The following ARRDC5 variants were observed in gnomAD, a reference collection of about 807,000 sequenced individuals.
The protein encoded by ARRDC5 is arrestin domain containing 5.
In ARRDC5, 12 loss-of-function variants were observed where a neutral mutation model predicts 13.3. That is an observed-to-expected ratio of 0.90 (90% CI 0.58 to 1.46). The LOEUF (loss-of-function observed/expected upper bound fraction) is 1.46, where lower values mean the gene tolerates loss of function less well. Ranked by LOEUF, ARRDC5 falls within the 40% of genes most tolerant of loss-of-function variation. The pLI is 0.00. For synonymous variants in ARRDC5, 181 were observed against 173.4 expected, an observed-to-expected ratio of 1.04 and a Z score of -0.34; for missense variants, 406 against 418.7, an observed-to-expected ratio of 0.97 and a Z score of 0.26.
At chr19:4,896,393 C>CACAT (rs1277082889) in intron 2 of ARRDC5, among the ~76,000 whole-genome samples, 2 of 132,048 alleles carry the variant, frequency 1.5e-5, no homozygotes, top group African/African-American at 5.5e-5. Context: ...CACACACACA[C>CACAT]ACACACACAC....
intron 1 of ARRDC5, among the ~76,000 whole-genome samples, chr19:4,897,446 A>G (rs2031772710): frequency 6.6e-6 from 1 of 152,134 alleles, no homozygotes; most frequent in Non-Finnish European, 1.5e-5. Flanking sequence ...AAACCACTGA[A>G]GGGCTCTTGC....
chr19:4,909,631 C>T, the ARRDC5 span: 2 of 593,548 alleles, frequency 3.4e-6, no homozygotes, highest in Non-Finnish European at 5.9e-6. Context: ...CGCAGGCAGA[C>T]AAGCTGTTCG....
intron 2 of ARRDC5, among the ~76,000 whole-genome samples, chr19:4,894,061 AAGAG>A (rs1021625191): frequency 2.1e-5 from 3 of 145,560 alleles, no homozygotes; most frequent in Non-Finnish European, 4.5e-5. Context: ...AAAAAAAAAA[AAGAG>A]GAGAAGAAGA....
At chr19:4,912,794 ACT>A in the ARRDC5 span, among the ~76,000 whole-genome samples, 1 of 151,756 alleles carries the variant, frequency 6.6e-6, no homozygotes, top group Admixed American at 6.6e-5. Context: ...ACAGGATCTC[ACT>A]CTGCCCAGGC....
At chr19:4,909,528 G>T in the ARRDC5 span, 1 of 659,016 alleles carries the variant, frequency 1.5e-6, no homozygotes, top group Non-Finnish European at 2.7e-6. Flanking sequence ...GGCGGGCAGC[G>T]TTTGCCGAGC....
intron 1 of ARRDC5, among the ~76,000 whole-genome samples, chr19:4,900,143 C>CTTT (rs35303447): frequency 3.1e-4 from 26 of 84,222 alleles, no homozygotes; most frequent in Admixed American, 4.3e-4. Context: ...CTGTTTCTTT[C>CTTT]TTTTTTTTTT....
At chr19:4,911,914 C>T in the ARRDC5 span, among the ~76,000 whole-genome samples, 6 of 152,132 alleles carry the variant, frequency 3.9e-5, no homozygotes, top group Non-Finnish European at 5.9e-5. Flanking sequence ...AGTTGAGCTG[C>T]GTGTACCCCA....
Position 4,902,721 on chromosome 19 carries a change from C to A in ARRDC5, c.105G>T (p.Leu35=). Reference sequence around the variant, plus strand: ...GCTCCACCTTCACTATGGGGTCCACCAGGGTGCTGTTCAGGGTTAAGATCA... The same window carrying A: ...GCTCCACCTTCACTATGGGGTCCACAAGGGTGCTGTTCAGGGTTAAGATCA... ...GQVILTLNST[L]VDPIVKVELV... The change falls in exon 1 of 3, where the codon CTG becomes CTT. Residue 35 remains leucine (L), a synonymous_variant. Transcript: ENST00000650722. 6.2e-7 allele frequency: 1 copy of A among 1,614,060 alleles called. No homozygotes were observed. Among genetic ancestry groups the A allele is most frequent in the Non-Finnish European group, 8.5e-7 (1 of 1,179,908 alleles).
At chr19:4,895,422 C>CA (rs1039157516) in intron 2 of ARRDC5, among the ~76,000 whole-genome samples, 6,285 of 70,436 alleles carry the variant, frequency 0.089, 486 homozygotes, top group Non-Finnish European at 0.13. Context: ...GACTCCGTCT[C>CA]AAAAAAAAAA....
At position 4,891,549 on chromosome 19, in the gene ARRDC5, C is replaced by A. The variant is rs745734884; in HGVS notation, c.484G>T (p.Glu162Ter). The A allele has an allele frequency of 1.4e-5, 23 of 1,613,128 alleles. No individual in the cohort carries two copies. Among genetic ancestry groups the A allele is most frequent in the Middle Eastern group, 1.6e-4 (1 of 6,084 alleles). ...FQNPLFVEAE[E>*]KVSYNCCRQG... Reference sequence around the variant, plus strand: ...CGGCAGCAGTTGTAGGAGACTTTCTCCTCAGCCTCCACGAACAAGGGGTTC... The same window carrying A: ...CGGCAGCAGTTGTAGGAGACTTTCTACTCAGCCTCCACGAACAAGGGGTTC... The change falls in exon 3 of 3, where the codon GAG (glutamate) becomes TAG (stop). Residue 162 changes from glutamate to a stop codon, truncating the protein, a stop_gained. Transcript: ENST00000650722. LOFTEE classifies it low-confidence loss of function (END_TRUNC).
intron 1 of ARRDC5, among the ~76,000 whole-genome samples, chr19:4,901,097 C>G (rs1466740762): frequency 1.3e-5 from 2 of 151,934 alleles, no homozygotes; most frequent in African/African-American, 4.8e-5. Flanking sequence ...CGAGATTGCG[C>G]CATTGCACTC....
intron 2 of ARRDC5, among the ~76,000 whole-genome samples, chr19:4,894,510 C>CAAAAAA (rs575777769): frequency 7.3e-5 from 2 of 27,230 alleles, no homozygotes; most frequent in African/African-American, 3.1e-4. Flanking sequence ...GACTCCGTCT[C>CAAAAAA]AAAAAAAAAA....
chr19:4,908,643 C>T, the ARRDC5 span, among the ~76,000 whole-genome samples: 1 of 152,168 alleles, frequency 6.6e-6, no homozygotes, highest in Non-Finnish European at 1.5e-5. Context: ...CCGCAGTGGC[C>T]CCAGTGAGAG....
At chr19:4,899,276 C>T (rs2146254936) in intron 1 of ARRDC5, among the ~76,000 whole-genome samples, 1 of 151,272 alleles carries the variant, frequency 6.6e-6, no homozygotes, top group Non-Finnish European at 1.5e-5. Flanking sequence ...CGCGCCACTG[C>T]ACTCCAGCCT....
At chr19:4,898,653 G>A (rs910597772) in intron 1 of ARRDC5, among the ~76,000 whole-genome samples, 40 of 139,050 alleles carry the variant, frequency 2.9e-4, no homozygotes, top group African/African-American at 5.4e-4. Flanking sequence ...TAAGCCATCA[G>A]GCGGGCTTGG....
At chr19:4,910,761 TG>T in the ARRDC5 span, 19 of 1,312,654 alleles carry the variant, frequency 1.4e-5, no homozygotes, top group Non-Finnish European at 1.8e-5. Flanking sequence ...AAGGGCATCC[TG>T]GGAGTTTCCT....
At chr19:4,896,351 TTTTTTTTTTTACAC>T (rs1443275839) in intron 2 of ARRDC5, among the ~76,000 whole-genome samples, 3 of 40,008 alleles carry the variant, frequency 7.5e-5, no homozygotes, top group South Asian at 6.8e-4. Context: ...TATATATATT[TTTTTTTTTTTACAC>T]ACACACACAC....
the ARRDC5 span, chr19:4,909,870 C>T: frequency 1.6e-5 from 6 of 378,652 alleles, no homozygotes; most frequent in East Asian, 3.8e-5. Context: ...CGGAGCCCGG[C>T]GGGGGGTCGA....
intron 1 of ARRDC5, among the ~76,000 whole-genome samples, chr19:4,898,651 C>G (rs984774363): frequency 7.2e-6 from 1 of 138,184 alleles, no homozygotes. Flanking sequence ...CATAAGCCAT[C>G]AGGCGGGCTT....
Sources: gnomAD v4.1 joint callset for allele counts (sites outside exome capture counted in the v4.1 genomes callset) on GRCh38, gnomAD v4.1.1 for gene constraint, MANE v1.5 for transcripts, NCBI Gene and HGNC (gene_info 2026-07-23, HGNC 2026-07-21) for gene names.